HCN1: variants seen among roughly 807,000 people sequenced by gnomAD.
HCN1 encodes potassium/sodium hyperpolarization-activated cyclic nucleotide-gated channel 1.
A neutral mutation model predicts 78.9 loss-of-function variants in HCN1; 13 were observed. The ratio of observed to expected loss-of-function variants is 0.16; its 90% CI spans 0.11 to 0.26. The LOEUF (loss-of-function observed/expected upper bound fraction) is 0.26. Ranked by LOEUF, HCN1 falls within the 10% of genes least tolerant of loss-of-function variation. The pLI is 1.00. For missense variants in HCN1, 810 were observed against 1,154.3 expected (o/e 0.70, Z 4.32); for synonymous variants, 552 against 455.5 (o/e 1.21, Z -2.70).
intron 2 of HCN1, among the ~76,000 whole-genome samples, chr5:45,553,331 A>C (rs977478723): frequency 6.6e-6 from 1 of 151,796 alleles, no homozygotes; most frequent in African/African-American, 2.4e-5. Context: ...CCCTAAGAAA[A>C]GGGTATATGT....
At chr5:45,375,221 A>T (rs1747590930) in intron 4 of HCN1, among the ~76,000 whole-genome samples, 1 of 116,300 alleles carries the variant, frequency 8.6e-6, no homozygotes, top group Non-Finnish European at 1.6e-5. Flanking sequence ...TATATAATAT[A>T]ATATTTTATA....
intron 2 of HCN1, among the ~76,000 whole-genome samples, chr5:45,539,417 C>G (rs370981785): frequency 6.6e-6 from 1 of 151,044 alleles, no homozygotes; most frequent in Non-Finnish European, 1.5e-5. Flanking sequence ...AATCCCAGCA[C>G]TTTGGGAGGC....
At chr5:45,655,160 T>A (rs1158963470) in intron 1 of HCN1, among the ~76,000 whole-genome samples, 1 of 152,126 alleles carries the variant, frequency 6.6e-6, no homozygotes, top group Non-Finnish European at 1.5e-5. Context: ...TGTTAATGAT[T>A]CTGATTTCTG....
chr5:45,274,555 G>A (rs148228430), intron 6 of HCN1, among the ~76,000 whole-genome samples: 2 of 152,260 alleles, frequency 1.3e-5, no homozygotes, highest in African/African-American at 2.4e-5. Flanking sequence ...GTGGGTACTC[G>A]TAAAACATTA....
chr5:45,531,548 G>A (rs936978026), intron 2 of HCN1, among the ~76,000 whole-genome samples: 1 of 152,110 alleles, frequency 6.6e-6, no homozygotes, highest in Non-Finnish European at 1.5e-5. Context: ...ATTGTGTTGT[G>A]TAAGTATCCC....
At chr5:45,508,487 A>T (rs897834023) in intron 2 of HCN1, among the ~76,000 whole-genome samples, 1 of 152,048 alleles carries the variant, frequency 6.6e-6, no homozygotes, top group Non-Finnish European at 1.5e-5. Context: ...ACATTTCCTC[A>T]AATATTTAGT....
At chr5:45,509,247 C>T (rs560407206) in intron 2 of HCN1, among the ~76,000 whole-genome samples, 6 of 152,064 alleles carry the variant, frequency 3.9e-5, no homozygotes, top group South Asian at 2.1e-4. Context: ...ATCTCAGAGG[C>T]GAAAATAATT....
chr5:45,530,607 T>C (rs1742822670), intron 2 of HCN1, among the ~76,000 whole-genome samples: 1 of 152,006 alleles, frequency 6.6e-6, no homozygotes, highest in Admixed American at 6.6e-5. Context: ...ATGAACCTCT[T>C]AGGTTCTTGG....
chr5:45,463,698 AT>A (rs1288964697), intron 2 of HCN1, among the ~76,000 whole-genome samples: 1 of 152,064 alleles, frequency 6.6e-6, no homozygotes, highest in African/African-American at 2.4e-5. Flanking sequence ...AAGTTATATA[AT>A]ACAACATAAT....
intron 5 of HCN1, among the ~76,000 whole-genome samples, chr5:45,350,072 A>C (rs549754623): frequency 6.6e-6 from 1 of 152,260 alleles, no homozygotes; most frequent in African/African-American, 2.4e-5. Context: ...ACACAACCAA[A>C]AAAAAGAATT....
chr5:45,303,906 G>C, intron 5 of HCN1, 67 bp from the exon 6 acceptor site: 1 of 1,398,030 alleles, frequency 7.2e-7, no homozygotes, highest in African/African-American at 1.4e-5. Context: ...AAAACATGCT[G>C]AAATTTAAAA....
At chr5:45,323,619 G>A (rs1746172773) in intron 5 of HCN1, among the ~76,000 whole-genome samples, 1 of 151,836 alleles carries the variant, frequency 6.6e-6, no homozygotes, top group African/African-American at 2.4e-5. Context: ...CAACGTGCAG[G>A]TTTGTTACTT....
At chr5:45,604,068 T>C (rs540801850) in intron 2 of HCN1, among the ~76,000 whole-genome samples, 4 of 152,194 alleles carry the variant, frequency 2.6e-5, no homozygotes, top group African/African-American at 9.6e-5. Context: ...CACAAAATTA[T>C]TCAAATGAAT....
chr5:45,456,726 T>C (rs990454887), intron 3 of HCN1, among the ~76,000 whole-genome samples: 2 of 152,034 alleles, frequency 1.3e-5, no homozygotes, highest in Non-Finnish European at 2.9e-5. Context: ...AATGTAAATG[T>C]AGTGCTGTAA....
intron 2 of HCN1, among the ~76,000 whole-genome samples, chr5:45,594,678 C>G (rs1480170027): frequency 1.3e-5 from 2 of 152,132 alleles, no homozygotes; most frequent in Admixed American, 1.3e-4. Context: ...TTTTCTATTT[C>G]TCAAAACCAC....
intron 2 of HCN1, among the ~76,000 whole-genome samples, chr5:45,582,208 T>G (rs1561209084): frequency 6.6e-6 from 1 of 152,188 alleles, no homozygotes; most frequent in Non-Finnish European, 1.5e-5. Context: ...GAGCAGTGGT[T>G]TGTAGTTCTC....
At chr5:45,421,633 A>C (rs997558665) in intron 3 of HCN1, among the ~76,000 whole-genome samples, 1 of 152,226 alleles carries the variant, frequency 6.6e-6, no homozygotes, top group African/African-American at 2.4e-5. Flanking sequence ...TATATATTTT[A>C]AATCTATTTT....
chr5:45,605,121 C>T (rs2111969742), intron 2 of HCN1, among the ~76,000 whole-genome samples: 1 of 151,942 alleles, frequency 6.6e-6, no homozygotes, highest in African/African-American at 2.4e-5. Context: ...ATCAAACAGG[C>T]AATAAAAGCA....
intron 3 of HCN1, among the ~76,000 whole-genome samples, chr5:45,445,761 GATACC>G (rs1740780216): frequency 1.3e-5 from 2 of 151,988 alleles, no homozygotes; most frequent in Admixed American, 1.3e-4. Context: ...CACCGCTGCT[GATACC>G]CAGGCAAACA....
Sources: gnomAD v4.1 joint callset for allele counts (sites outside exome capture counted in the v4.1 genomes callset) on GRCh38, gnomAD v4.1.1 for gene constraint, MANE v1.5 for transcripts, NCBI Gene and HGNC (gene_info 2026-07-23, HGNC 2026-07-21) for gene names.